The following C6 variants were observed in gnomAD, a reference collection of about 807,000 sequenced individuals.
The protein encoded by C6 is complement C6.
In C6, 101 loss-of-function variants were observed where a neutral mutation model predicts 112.9. The observed-to-expected ratio is 0.89, with a 90% CI of 0.76 to 1.06. The LOEUF (loss-of-function observed/expected upper bound fraction) is 1.06, where lower values mean the gene tolerates loss of function less well. Ranked by LOEUF, C6 falls within the 50% of genes least tolerant of loss-of-function variation. The pLI is 0.00. For missense variants in C6, 1,202 were observed against 1,104.6 expected (o/e 1.09, Z -1.25); for synonymous variants, 431 against 384.1 (o/e 1.12, Z -1.43).
chr5:41,202,273 T>C (rs1318579905), intron 2 of C6, among the ~76,000 whole-genome samples: 1 of 151,376 alleles, frequency 6.6e-6, no homozygotes, highest in East Asian at 1.9e-4. Context: ...TGAGAGCATG[T>C]CCAGGTAGCT....
At chr5:41,234,348 T>TG (rs1353365360) in intron 1 of C6, among the ~76,000 whole-genome samples, 3 of 139,156 alleles carry the variant, frequency 2.2e-5, no homozygotes, top group African/African-American at 9.3e-5. Flanking sequence ...GTTTTTTTTT[T>TG]TGTTTTTTGT....
At chr5:41,196,061 A>T (rs1750594942) in intron 4 of C6, 128 bp from the exon 5 acceptor site, 2 of 1,037,978 alleles carry the variant, frequency 1.9e-6, no homozygotes, top group African/African-American at 3.2e-5. Flanking sequence ...TTTTTGATAG[A>T]GTTTTAGGGA....
intron 1 of C6, among the ~76,000 whole-genome samples, chr5:41,258,947 A>G (rs1192909065): frequency 3.9e-5 from 6 of 152,158 alleles, no homozygotes; most frequent in Admixed American, 2.6e-4. Flanking sequence ...CACCCTTGAC[A>G]TGTGGGGATT....
intron 1 of C6, among the ~76,000 whole-genome samples, chr5:41,208,404 AC>A (rs1197197934): frequency 6.6e-6 from 1 of 152,118 alleles, no homozygotes; most frequent in Non-Finnish European, 1.5e-5. Flanking sequence ...AACACAAAAA[AC>A]CCTTCAAAAA....
rs373798146 is a variant in C6 at position 41,185,322 on chromosome 5, G to A, written c.726+748C>T. 3.3e-5 allele frequency among the ~76,000 whole-genome samples: 5 copies of A among 152,134 alleles called. No individual in the cohort carries two copies. In the East Asian group the frequency reaches 7.7e-4, roughly 23 times the overall value. ...TCTTTTTAAAGGAAGGATTAAATGA[G>A]TTTTTGCTGAACTCATATTACCCAT... On this transcript the variant is annotated intron_variant, in intron 6 of 17. Coordinates refer to ENST00000337836, the MANE Select transcript of C6 (RefSeq NM_000065.5).
intron 7 of C6, among the ~76,000 whole-genome samples, chr5:41,177,135 G>C (rs1371994123): frequency 6.6e-6 from 1 of 152,190 alleles, no homozygotes; most frequent in African/African-American, 2.4e-5. Flanking sequence ...GGTTATGCAA[G>C]TGAGATTCAA....
At chr5:41,160,446 A>C in intron 10 of C6, 79 bp from the exon 11 acceptor site, 1 of 1,111,428 alleles carries the variant, frequency 9.0e-7, no homozygotes, top group South Asian at 1.3e-5. Flanking sequence ...GTTCTCTGAA[A>C]TGAGAGGGAA....
intron 8 of C6, among the ~76,000 whole-genome samples, chr5:41,173,780 T>C (rs1323328865): frequency 6.6e-6 from 1 of 152,148 alleles, no homozygotes; most frequent in Admixed American, 6.6e-5. Context: ...ACCTCATTTT[T>C]TGTGACAGTT....
chr5:41,159,014 A>T (rs185704283), intron 12 of C6, 68 bp downstream of exon 12: 1 of 1,530,942 alleles, frequency 6.5e-7, no homozygotes, highest in Non-Finnish European at 9.1e-7. Flanking sequence ...ACTAATAACC[A>T]TTTGAACTCT....
chr5:41,194,015 C>T (rs545248863), intron 5 of C6, among the ~76,000 whole-genome samples: 7 of 152,202 alleles, frequency 4.6e-5, no homozygotes, highest in East Asian at 1.9e-4. Context: ...AGGGCCACGT[C>T]GTCCTTCAGC....
At chr5:41,155,139 T>A in intron 13 of C6, 35 bp from the exon 14 acceptor site, 3 of 1,579,428 alleles carry the variant, frequency 1.9e-6, no homozygotes, top group Non-Finnish European at 2.6e-6. Flanking sequence ...TTATTAATGC[T>A]ATGAATAACA....
At chr5:41,251,123 C>T (rs1277880145) in intron 1 of C6, among the ~76,000 whole-genome samples, 1 of 152,116 alleles carries the variant, frequency 6.6e-6, no homozygotes, top group African/African-American at 2.4e-5. Context: ...AATTGAAACT[C>T]TAGGTCCATC....
chr5:41,207,136 A>C (rs758078019), intron 1 of C6, among the ~76,000 whole-genome samples: 4 of 152,190 alleles, frequency 2.6e-5, no homozygotes, highest in African/African-American at 7.2e-5. Context: ...AAGCTTCATA[A>C]GTGAAGGAGA....
intron 1 of C6, among the ~76,000 whole-genome samples, chr5:41,257,170 T>C (rs989626272): frequency 6.6e-6 from 1 of 152,146 alleles, no homozygotes; most frequent in Non-Finnish European, 1.5e-5. Flanking sequence ...TTTACACTCC[T>C]CCCACCCTCC....
At chr5:41,230,814 C>T (rs1739852734) in intron 1 of C6, among the ~76,000 whole-genome samples, 1 of 152,134 alleles carries the variant, frequency 6.6e-6, no homozygotes, top group Non-Finnish European at 1.5e-5. Context: ...TAAAATTCCT[C>T]TCTTTGTATG....
intron 1 of C6, among the ~76,000 whole-genome samples, chr5:41,236,722 A>C (rs1740332325): frequency 7.1e-6 from 1 of 140,494 alleles, no homozygotes; most frequent in African/African-American, 2.7e-5. Context: ...GAAATAACTA[A>C]AATCAGAGCA....
chr5:41,222,444 T>C (rs1739233350), intron 1 of C6, among the ~76,000 whole-genome samples: 2 of 152,050 alleles, frequency 1.3e-5, no homozygotes, highest in African/African-American at 2.4e-5. Context: ...TTTATTTTAA[T>C]GTATAAAGCA....
chr5:41,186,354 T>TC, intron 5 of C6, 146 bp from the exon 6 acceptor site: 3 of 849,096 alleles, frequency 3.5e-6, no homozygotes, highest in Non-Finnish European at 5.5e-6. Flanking sequence ...CCGCTTTTTT[T>TC]TCCTAGTCCA....
At chr5:41,249,436 G>C (rs371468889) in intron 1 of C6, among the ~76,000 whole-genome samples, 1 of 152,044 alleles carries the variant, frequency 6.6e-6, no homozygotes, top group African/African-American at 2.4e-5. Flanking sequence ...TGTTATATTT[G>C]TATTTGCTCC....
Sources: gnomAD v4.1 joint callset for allele counts (sites outside exome capture counted in the v4.1 genomes callset) on GRCh38, gnomAD v4.1.1 for gene constraint, MANE v1.5 for transcripts, NCBI Gene and HGNC (gene_info 2026-07-23, HGNC 2026-07-21) for gene names.